CNNM1: variants seen among roughly 807,000 people sequenced by gnomAD.
CNNM1 encodes metal transporter CNNM1.
In CNNM1, 44 loss-of-function variants were observed where a neutral mutation model predicts 78.8. The observed-to-expected ratio is 0.56, with a 90% CI of 0.44 to 0.72. The LOEUF (loss-of-function observed/expected upper bound fraction) is 0.72, where lower values mean the gene tolerates loss of function less well. CNNM1 is among the 30% of genes least tolerant of loss of function. The pLI, the probability that CNNM1 is intolerant of heterozygous loss-of-function variation, is 0.00. For synonymous variants in CNNM1, 584 were observed against 581.5 expected, an observed-to-expected ratio of 1.00 and a Z score of -0.06; for missense variants, 1,101 against 1,292.2, an observed-to-expected ratio of 0.85 and a Z score of 2.27.
At chr10:99,334,718 T>C (rs2134012953) in intron 1 of CNNM1, among the ~76,000 whole-genome samples, 1 of 152,310 alleles carries the variant, frequency 6.6e-6, no homozygotes, top group South Asian at 2.1e-4. Context: ...TCCATTTTCC[T>C]TACTTCCTTG....
intron 1 of CNNM1, among the ~76,000 whole-genome samples, chr10:99,348,411 G>A (rs1025151382): frequency 6.6e-6 from 1 of 152,174 alleles, no homozygotes; most frequent in Admixed American, 6.5e-5. Flanking sequence ...AAGAGTGTAA[G>A]CTGCCGGAGG....
At chr10:99,342,302 G>A (rs1157534504) in intron 1 of CNNM1, among the ~76,000 whole-genome samples, 1 of 152,180 alleles carries the variant, frequency 6.6e-6, no homozygotes, top group Non-Finnish European at 1.5e-5. Context: ...CAGATAATGG[G>A]TTGTTACTCT....
chr10:99,388,175 A>C lies in CNNM1; in HGVS notation c.2548A>C (p.Ser850Arg), dbSNP rs2134084087. 6.2e-7 allele frequency: 1 copy of C among 1,613,764 alleles called. No homozygotes were observed. The highest frequency in any genetic ancestry group is 8.5e-7 in the Non-Finnish European group (1 of 1,179,850). The change falls in exon 9 of 11, where the codon AGC becomes CGC. Residue 850 changes from serine (S) to arginine (R), a missense_variant. Around this residue, in one of 3 missense-constraint regions of CNNM1, gnomAD observed 348 missense variants for 384.5 expected, o/e 0.90. Coordinates refer to ENST00000356713, the MANE Select transcript of CNNM1 (RefSeq NM_020348.3). ...LPCSRSDGLR[S>R]PSEVVYLRME... Reference sequence around the variant, plus strand: ...AGGCAGCCGCTCAGACGGGCTGAGAAGCCCCAGCGAGGTAGTGTACCTGAG... The same window carrying C: ...AGGCAGCCGCTCAGACGGGCTGAGACGCCCCAGCGAGGTAGTGTACCTGAG...
intron 6 of CNNM1, among the ~76,000 whole-genome samples, chr10:99,365,647 G>T (rs2031590527): frequency 6.6e-6 from 1 of 152,174 alleles, no homozygotes; most frequent in Non-Finnish European, 1.5e-5. Flanking sequence ...TGTGCTTAAA[G>T]GGCATGGCAT....
intron 6 of CNNM1, chr10:99,365,248 G>T: frequency 1.7e-6 from 1 of 603,568 alleles, no homozygotes; most frequent in Non-Finnish European, 3.0e-6. Context: ...GGATGCAGGG[G>T]TTGTGAGGGA....
At chr10:99,350,095 G>T (rs540653780) in intron 1 of CNNM1, among the ~76,000 whole-genome samples, 2 of 152,256 alleles carry the variant, frequency 1.3e-5, no homozygotes, top group South Asian at 4.2e-4. Context: ...CTCAGATCTT[G>T]CATTTTGAAC....
intron 7 of CNNM1, among the ~76,000 whole-genome samples, chr10:99,382,535 G>A (rs1463176997): frequency 6.6e-6 from 1 of 152,172 alleles, no homozygotes; most frequent in Non-Finnish European, 1.5e-5. Flanking sequence ...GGCTGAGACA[G>A]GAGAATCACT....
intron 1 of CNNM1, 38 bp downstream of exon 1, chr10:99,330,998 C>G: frequency 6.4e-7 from 1 of 1,558,220 alleles, no homozygotes; most frequent in East Asian, 2.2e-5. Flanking sequence ...ACTCCTATCC[C>G]CTTCAAAGGT....
rs1306285266 is a variant in CNNM1, at chr10:99,393,607, G to A, written c.*2091G>A. 6.6e-6 allele frequency: 1 copy of A among 152,478 alleles called. No homozygotes were observed. The highest frequency in any genetic ancestry group is 1.5e-5 in the Non-Finnish European group (1 of 68,018). The allele number at this position is 152,478 out of a possible 1,614,324, so 9.4% of individuals were successfully genotyped here. Reference sequence around the variant, plus strand: ...GAGTGAAGTGGATACTGGGCAGTTCGAGACAGGTTTTTAATCATAAGTGGT... The same window carrying A: ...GAGTGAAGTGGATACTGGGCAGTTCAAGACAGGTTTTTAATCATAAGTGGT... On this transcript the variant is annotated 3_prime_UTR_variant, in exon 11 of 11. Coordinates refer to ENST00000356713, the MANE Select transcript of CNNM1 (RefSeq NM_020348.3).
At chr10:99,333,196 C>T (rs1298129489) in intron 1 of CNNM1, among the ~76,000 whole-genome samples, 1 of 152,176 alleles carries the variant, frequency 6.6e-6, no homozygotes, top group Non-Finnish European at 1.5e-5. Context: ...TGGATTAGAG[C>T]CCACCCTAAT....
At chr10:99,334,391 G>A (rs558962826) in intron 1 of CNNM1, among the ~76,000 whole-genome samples, 2 of 152,260 alleles carry the variant, frequency 1.3e-5, no homozygotes, top group African/African-American at 2.4e-5. Flanking sequence ...AGTGGCTCAC[G>A]CCTGTAATCC....
In CNNM1 at chr10:99,377,130, G is replaced by T; in HGVS notation, c.2252G>T (p.Gly751Val). Residue 751 changes from glycine to valine, a missense_variant, in exon 7 of 11, where the codon GGC (glycine) becomes GTC (valine). Gly to Val is a moderately radical substitution (Grantham distance 109, BLOSUM62 -3). Coordinates refer to ENST00000356713, the MANE Select transcript of CNNM1 (RefSeq NM_020348.3). ...SPNRERSDFGGSNTQLYSSSN... is the reference protein window; with the variant it reads ...SPNRERSDFGVSNTQLYSSSN... ...AACCGAGAGCGCAGTGACTTTGGGG[G>T]CAGCAACACCCAGCTGTACAGCAGC... The T allele has an allele frequency of 6.2e-7, 1 of 1,611,604 alleles. No individual in the cohort carries two copies. Among genetic ancestry groups the T allele is most frequent in the Non-Finnish European group, 8.5e-7 (1 of 1,178,950 alleles).
chr10:99,362,828 C>T (rs1026857957), intron 4 of CNNM1, among the ~76,000 whole-genome samples: 1 of 152,144 alleles, frequency 6.6e-6, no homozygotes, highest in African/African-American at 2.4e-5. Context: ...CTGTGACTTC[C>T]ATACTGGTCC....
At chr10:99,390,429 CA>C in intron 10 of CNNM1, 22 bp downstream of exon 10, 1 of 1,534,700 alleles carries the variant, frequency 6.5e-7, no homozygotes, top group Non-Finnish European at 9.0e-7. Flanking sequence ...GTTCTTCACC[CA>C]AATGAGAGCC....
chr10:99,356,624 A>C (rs2031222088), intron 1 of CNNM1, among the ~76,000 whole-genome samples: 1 of 140,252 alleles, frequency 7.1e-6, no homozygotes, highest in African/African-American at 2.5e-5. Context: ...AAAGAAAGAA[A>C]AGAAAAGAAA....
chr10:99,375,482 C>G (rs2031934541), intron 6 of CNNM1, among the ~76,000 whole-genome samples: 1 of 152,156 alleles, frequency 6.6e-6, no homozygotes, highest in Admixed American at 6.6e-5. Flanking sequence ...AAGTGGATGA[C>G]ACTTACTGAG....
chr10:99,377,888 A>T (rs529988332), intron 7 of CNNM1, among the ~76,000 whole-genome samples: 1 of 151,596 alleles, frequency 6.6e-6, no homozygotes, highest in African/African-American at 2.4e-5. Context: ...CTATTTCCTC[A>T]TACCCCTCAC....
intron 9 of CNNM1, 62 bp from the exon 10 acceptor site, chr10:99,390,244 C>T (rs562528752): frequency 8.5e-7 from 1 of 1,182,046 alleles, no homozygotes; most frequent in East Asian, 2.5e-5. Context: ...TCAGAATCAC[C>T]CTCTCTTGAT....
At chr10:99,367,271 G>A (rs1450853528) in intron 6 of CNNM1, among the ~76,000 whole-genome samples, 1 of 152,148 alleles carries the variant, frequency 6.6e-6, no homozygotes, top group Admixed American at 6.5e-5. Context: ...CCCTATGCTT[G>A]AAGCTAGCTT....
Sources: gnomAD v4.1 joint callset for allele counts (sites outside exome capture counted in the v4.1 genomes callset) on GRCh38, gnomAD v4.1.1 for gene constraint, gnomAD v4.1.1 regional missense constraint, MANE v1.5 for transcripts, NCBI Gene and HGNC (gene_info 2026-07-23, HGNC 2026-07-21) for gene names.